The following SERPINA3 variants were observed in gnomAD, a reference collection of about 807,000 sequenced individuals.
SERPINA3 encodes the protein alpha-1-antichymotrypsin.
A neutral mutation model predicts 26.8 loss-of-function variants in SERPINA3; 32 were observed. That is an observed-to-expected ratio of 1.20 (90% CI 0.90 to 1.61). SERPINA3 has a LOEUF of 1.61. Among genes scored for constraint, SERPINA3 ranks in the 40% most tolerant of loss-of-function variants. The pLI, the probability that SERPINA3 is intolerant of heterozygous loss-of-function variation, is 0.00. For missense variants in SERPINA3, 632 were observed against 517.9 expected, an observed-to-expected ratio of 1.22 and a Z score of -2.14; for synonymous variants, 252 against 206.4, an observed-to-expected ratio of 1.22 and a Z score of -1.89.
rs1249636419 is a variant in SERPINA3, at chr14:94,614,596, C to A, written c.155C>A (p.Ala52Asp). Residue 52 changes from alanine (A) to aspartate (D), a missense_variant, in exon 2 of 5, where the codon GCC becomes GAC. Physicochemically the swap from Ala to Asp is moderately radical, Grantham distance 126. Coordinates refer to ENST00000393078, the MANE Select transcript of SERPINA3 (RefSeq NM_001085.5). Reference sequence around the variant, plus strand: ...CACGTGGACCTCGGATTAGCCTCCGCCAACGTGGACTTCGCTTTCAGCCTG... The same window carrying A: ...CACGTGGACCTCGGATTAGCCTCCGACAACGTGGACTTCGCTTTCAGCCTG... ...GTHVDLGLAS[A>D]NVDFAFSLYK... is the part of the protein sequence containing the mutation. 8.1e-6 allele frequency: 13 copies of A among 1,614,152 alleles called. No individual in the cohort carries two copies. Among genetic ancestry groups the A allele is most frequent in the Non-Finnish European group, 1.1e-5 (13 of 1,180,030 alleles).
chr14:94,619,524 A>C, intron 3 of SERPINA3, 56 bp downstream of exon 3: 2 of 1,600,990 alleles, frequency 1.2e-6, no homozygotes, highest in South Asian at 1.1e-5. Context: ...GGTCTCACCA[A>C]TGTCCAGGGA....
At position 94,614,890 on chromosome 14, in the gene SERPINA3, T is replaced by C. The variant is rs1885933432; in HGVS notation, c.449T>C (p.Leu150Pro). The C allele has an allele frequency of 6.2e-7, 1 of 1,614,094 alleles. No individual in the cohort carries two copies. Among genetic ancestry groups the C allele is most frequent in the Non-Finnish European group, 8.5e-7 (1 of 1,180,034 alleles). The change falls in exon 2 of 5, where the codon CTG becomes CCG. Residue 150 changes from leucine (L) to proline (P), a missense_variant. By Grantham distance (98) the Leu-to-Pro change is moderately conservative (BLOSUM62 -3). Transcript: ENST00000393078. ...AMFVKEQLSL[L>P]DRFTEDAKRL... ...TTTGTCAAAGAGCAACTCAGTCTGC[T>C]GGACAGGTTCACGGAGGATGCCAAG...
At chr14:94,623,492 C>T (rs1370904951) in intron 4 of SERPINA3, 119 bp from the exon 5 acceptor site, 12 of 931,604 alleles carry the variant, frequency 1.3e-5, no homozygotes. Context: ...TTCAACAGCA[C>T]AAAGACAGGC....
At chr14:94,620,472 C>T (rs562576583) in intron 3 of SERPINA3, among the ~76,000 whole-genome samples, 3 of 152,266 alleles carry the variant, frequency 2.0e-5, no homozygotes, top group South Asian at 2.1e-4. Context: ...GGTAGGGCCA[C>T]GTAGACCCCT....
Position 94,619,298 on chromosome 14 carries a change from G to C in SERPINA3, c.747G>C (p.Leu249=), listed in dbSNP as rs1273284760. ...TGCCCATGATGAGTTTGCATCACCT[G>C]ACTATACCTTACTTCCGGGACGAGG... ...VMVPMMSLHH[L]TIPYFRDEEL... Residue 249 remains leucine, a synonymous_variant, in exon 3 of 5, where the codon CTG becomes CTC. Transcript: ENST00000393078. 3.1e-6 allele frequency: 5 copies of C among 1,614,092 alleles called. No individual in the cohort carries two copies. In the Admixed American group the frequency reaches 8.3e-5, roughly 27 times the overall value.
At chr14:94,612,700 G>A (rs979413666) in intron 1 of SERPINA3, among the ~76,000 whole-genome samples, 1 of 152,208 alleles carries the variant, frequency 6.6e-6, no homozygotes, top group Non-Finnish European at 1.5e-5. Flanking sequence ...GGTCATTTCT[G>A]CCTTGATACT....
intron 2 of SERPINA3, chr14:94,617,555 C>T (rs543749998): frequency 2.6e-5 from 4 of 152,346 alleles, no homozygotes; most frequent in South Asian, 2.1e-4. Context: ...GTTTAATTCT[C>T]GCAGCGGCTC....
chr14:94,613,737 C>A (rs528921574), intron 1 of SERPINA3: 1 of 152,546 alleles, frequency 6.6e-6, no homozygotes, highest in South Asian at 2.1e-4. Context: ...CACCACGTGG[C>A]AACCTGGCAG....
In SERPINA3 at chr14:94,619,140, CGA is replaced by C; in HGVS notation, c.644-53_644-52del. 4 of 1,604,904 alleles carry C rather than the reference CGA, an allele frequency of 2.5e-6. 1 individual carries two copies. In the South Asian group the frequency reaches 4.4e-5, roughly 18 times the overall value. On this transcript the variant is annotated intron_variant, in intron 2 of 4. Transcript: ENST00000393078. ...ACTTCCACTGCTGCGGAAGCAGGGT[CGA>C]GCAGGGCGACCCTTGCACTCACACC...
At chr14:94,612,523 T>C (rs1885819710) in intron 1 of SERPINA3, 76 bp downstream of exon 1, 4 of 881,838 alleles carry the variant, frequency 4.5e-6, no homozygotes, top group Non-Finnish European at 6.6e-6. Context: ...CAGCCTGGAG[T>C]GTGTGGAGTG....
chr14:94,620,584 G>A (rs1886164514), intron 3 of SERPINA3, among the ~76,000 whole-genome samples: 1 of 152,204 alleles, frequency 6.6e-6, no homozygotes, highest in African/African-American at 2.4e-5. Flanking sequence ...AATCCTGGCT[G>A]CTGAGAGGAG....
At chr14:94,617,244 CA>C (rs1392072489) in intron 2 of SERPINA3, among the ~76,000 whole-genome samples, 1 of 152,162 alleles carries the variant, frequency 6.6e-6, no homozygotes, top group East Asian at 1.9e-4. Context: ...GTCCTTTCTC[CA>C]AGGGATCTTT....
At chr14:94,618,992 T>G in intron 2 of SERPINA3, 1 of 638,146 alleles carries the variant, frequency 1.6e-6, no homozygotes, top group Non-Finnish European at 2.8e-6. Context: ...AACTAGGTCT[T>G]TCTTTTGTGG....
intron 3 of SERPINA3, among the ~76,000 whole-genome samples, chr14:94,621,108 C>T (rs1321837506): frequency 6.6e-6 from 1 of 152,146 alleles, no homozygotes; most frequent in African/African-American, 2.4e-5. Flanking sequence ...CCTGCCCCAA[C>T]CACTGTCCAG....
chr14:94,615,447 C>A, intron 2 of SERPINA3: 1 of 464,188 alleles, frequency 2.2e-6, no homozygotes, highest in South Asian at 1.5e-5. Flanking sequence ...TGCTGCTAGA[C>A]TAGGCCAGGA....
chr14:94,615,024 C>T lies in SERPINA3; in HGVS notation c.583C>T (p.Leu195=). The T allele has an allele frequency of 6.2e-7, 1 of 1,614,210 alleles. No homozygotes were observed. The highest frequency in any genetic ancestry group is 1.7e-5 in the Admixed American group (1 of 60,010). ...KNGTRGKITD[L]IKDLDSQTMM... Reference sequence around the variant, plus strand: ...TGGAACTAGGGGGAAAATCACAGATCTGATCAAGGACCTTGACTCGCAGAC... The same window carrying T: ...TGGAACTAGGGGGAAAATCACAGATTTGATCAAGGACCTTGACTCGCAGAC... Residue 195 remains leucine, a synonymous_variant, in exon 2 of 5, where the codon CTG becomes TTG. Transcript: ENST00000393078.
chr14:94,617,991 T>C (rs1384702794), intron 2 of SERPINA3: 3 of 152,176 alleles, frequency 2.0e-5, no homozygotes, highest in Non-Finnish European at 4.4e-5. Flanking sequence ...GCTATGGCTG[T>C]ATTGGCTTAC....
At chr14:94,622,714 C>T in intron 4 of SERPINA3, 1 of 595,568 alleles carries the variant, frequency 1.7e-6, no homozygotes, top group Non-Finnish European at 3.0e-6. Flanking sequence ...GTCATCCAGG[C>T]TTGGAATCAG....
rs779877967 is a variant in SERPINA3 at position 94,612,456 on chromosome 14, T to A, written c.-9+9T>A. On this transcript the variant is annotated intron_variant, in intron 1 of 4. Transcript: ENST00000393078. ...CCAGCTCCCTGAGGCAGGTAATCCA[T>A]GATGTTTTACATCCTGGGAGCGGAG... 1.0e-5 allele frequency: 14 copies of A among 1,355,936 alleles called. No individual in the cohort carries two copies. The East Asian group carries it at 5.9e-4, about 57-fold the overall frequency. 84.0% of individuals were successfully genotyped at this position (1,355,936 alleles called of 1,614,324 possible).
Sources: gnomAD v4.1 joint callset for allele counts (sites outside exome capture counted in the v4.1 genomes callset) on GRCh38, gnomAD v4.1.1 for gene constraint, MANE v1.5 for transcripts, NCBI Gene and HGNC (gene_info 2026-07-23, HGNC 2026-07-21) for gene names.